The following ARIH1 variants were observed in gnomAD, a reference collection of about 807,000 sequenced individuals.
The protein encoded by ARIH1 is ariadne RBR E3 ubiquitin protein ligase 1, also known as E3 ubiquitin-protein ligase ARIH1.
ARIH1 carries 8 observed loss-of-function variants against 85.0 expected under a neutral mutation model. The ratio of observed to expected loss-of-function variants is 0.09; its 90% CI spans 0.06 to 0.17. ARIH1 has a LOEUF of 0.17. Among genes scored for constraint, ARIH1 ranks in the 10% least tolerant of loss-of-function variants. ARIH1 has a pLI of 1.00. For synonymous variants in ARIH1, 238 were observed against 253.6 expected (o/e 0.94, Z 0.59); for missense variants, 311 against 718.1 (o/e 0.43, Z 6.48).
At position 72,546,655 on chromosome 15, in the gene ARIH1, CTG is replaced by C. The variant is rs35847751; in HGVS notation, c.588+1709_588+1710del. The stretch of plus-strand genomic sequence containing the variant: ...ATGCCACCATGTCTGGCTGATTTTT[CTG>C]TGTGTGTGTGTGTGTGTTTTGTTTG... On this transcript the variant is annotated intron_variant, in intron 3 of 13. Coordinates refer to ENST00000379887, the MANE Select transcript of ARIH1 (RefSeq NM_005744.5). Among the ~76,000 whole-genome samples, 66 of 149,444 alleles carry C rather than the reference CTG, an allele frequency of 4.4e-4. No homozygotes were observed. The South Asian group carries it at 7.9e-3, about 18-fold the overall frequency.
chr15:72,521,325 C>G (rs4146286), intron 2 of ARIH1, among the ~76,000 whole-genome samples: 116,972 of 151,350 alleles, frequency 0.77, 51,406 homozygotes, highest in Non-Finnish European at 0.96. Flanking sequence ...ACTTTAAGTC[C>G]TATAATAGAA....
chr15:72,479,701 C>T (rs1358647735), intron 1 of ARIH1, among the ~76,000 whole-genome samples: 3 of 151,962 alleles, frequency 2.0e-5, no homozygotes, highest in African/African-American at 4.8e-5. Flanking sequence ...CCACCGTGCC[C>T]AGCCAAATAA....
At chr15:72,493,827 AAC>A (rs1567338807) in intron 1 of ARIH1, among the ~76,000 whole-genome samples, 1 of 152,152 alleles carries the variant, frequency 6.6e-6, no homozygotes, top group Non-Finnish European at 1.5e-5. Flanking sequence ...AAAAAGTTAA[AAC>A]AGTCTTAGTA....
At chr15:72,532,881 A>AT (rs1029968499) in intron 2 of ARIH1, among the ~76,000 whole-genome samples, 1 of 152,258 alleles carries the variant, frequency 6.6e-6, no homozygotes, top group Non-Finnish European at 1.5e-5. Context: ...TTGCTTCATG[A>AT]TTTTAAAAAG....
Position 72,600,210 on chromosome 15 carries a change from C to T in ARIH1, c.*16918C>T, listed in dbSNP as rs774864774. 4.6e-5 allele frequency: 7 copies of T among 152,126 alleles called. No homozygotes were observed. The highest frequency in any genetic ancestry group is 1.3e-4 in the Admixed American group (2 of 15,278). 9.4% of individuals were successfully genotyped at this position (152,126 alleles called of 1,614,324 possible). Reference sequence around the variant, plus strand: ...GATTCCTCTTCTATGTCCTCAGCCCCCACCATAAAAATAGATAAATGCCAT... The same window carrying T: ...GATTCCTCTTCTATGTCCTCAGCCCTCACCATAAAAATAGATAAATGCCAT... On this transcript the variant is annotated 3_prime_UTR_variant, in exon 14 of 14. Transcript: ENST00000379887.
At chr15:72,553,286 C>A (rs181740471) in intron 3 of ARIH1, among the ~76,000 whole-genome samples, 1 of 152,148 alleles carries the variant, frequency 6.6e-6, no homozygotes, top group African/African-American at 2.4e-5. Context: ...ACTTAATGTC[C>A]CATTACAGGA....
intron 1 of ARIH1, among the ~76,000 whole-genome samples, chr15:72,482,080 C>T (rs1317253558): frequency 1.3e-5 from 2 of 152,132 alleles, no homozygotes; most frequent in Non-Finnish European, 2.9e-5. Context: ...AGGTGATCCA[C>T]CCGACTTGGC....
chr15:72,484,743 A>G (rs1280390594), intron 1 of ARIH1, among the ~76,000 whole-genome samples: 1 of 147,384 alleles, frequency 6.8e-6, no homozygotes, highest in Non-Finnish European at 1.5e-5. Flanking sequence ...ATATGTATAT[A>G]TATATGTGTG....
Position 72,556,315 on chromosome 15 carries a change from A to G in ARIH1, c.737+408A>G, listed in dbSNP as rs191551511. Among the ~76,000 whole-genome samples the G allele has an allele frequency of 5.3e-4, 81 of 152,368 alleles. 1 individual carries two copies. Among genetic ancestry groups the G allele is most frequent in the African/African-American group, 1.4e-3 (57 of 41,590 alleles). ...TTAAAAGACAAAGAAGGAAGATTCA[A>G]TAGGAAGAGACTTTATATGATACAG... On this transcript the variant is annotated intron_variant, in intron 5 of 13. Coordinates refer to ENST00000379887, the MANE Select transcript of ARIH1 (RefSeq NM_005744.5).
chr15:72,495,939 G>A (rs1291243028), intron 1 of ARIH1, among the ~76,000 whole-genome samples: 1 of 151,996 alleles, frequency 6.6e-6, no homozygotes, highest in African/African-American at 2.4e-5. Flanking sequence ...AAGAGATACT[G>A]TTTTTCTGTC....
rs56159127 is a variant in ARIH1, at chr15:72,560,827, G to GAATTCTTTCTCTTGT, written c.738-653_738-652insTCTTTCTCTTGTAAT. Among the ~76,000 whole-genome samples, 2 of 151,912 alleles carry GAATTCTTTCTCTTGT rather than the reference G, an allele frequency of 1.3e-5. 1 individual carries two copies. The highest frequency in any genetic ancestry group is 2.9e-5 in the Non-Finnish European group (2 of 68,002). ...ATGTTCTTCATGTCTTTCTCAGTGG[G>GAATTCTTTCTCTTGT]AATACACTCAGAGGAGTATTTACCA... On this transcript the variant is annotated intron_variant, in intron 5 of 13. Transcript: ENST00000379887.
intron 2 of ARIH1, among the ~76,000 whole-genome samples, chr15:72,535,049 T>G (rs977709185): frequency 7.1e-6 from 1 of 140,916 alleles, no homozygotes; most frequent in Non-Finnish European, 1.5e-5. Flanking sequence ...CCCCTGGGGT[T>G]CATGCCATTC....
chr15:72,484,737 GTA>G (rs765975811), intron 1 of ARIH1, among the ~76,000 whole-genome samples: 307 of 147,032 alleles, frequency 2.1e-3, no homozygotes, highest in African/African-American at 6.0e-3. Flanking sequence ...GTGTATATAT[GTA>G]TATATATATG....
chr15:72,479,350 G>A (rs1215788594), intron 1 of ARIH1, among the ~76,000 whole-genome samples: 1 of 152,086 alleles, frequency 6.6e-6, no homozygotes, highest in African/African-American at 2.4e-5. Flanking sequence ...AGTGGTCAGA[G>A]GAGGTATAAA....
At chr15:72,572,066 G>C in intron 10 of ARIH1, 42 bp from the exon 11 acceptor site, 1 of 1,316,946 alleles carries the variant, frequency 7.6e-7, no homozygotes, top group Non-Finnish European at 1.1e-6. Context: ...CCTTTTCATT[G>C]ATTTTTTTTT....
intron 2 of ARIH1, among the ~76,000 whole-genome samples, chr15:72,530,349 A>C (rs1008927902): frequency 5.3e-5 from 8 of 152,230 alleles, no homozygotes; most frequent in African/African-American, 1.9e-4. Flanking sequence ...CAGAAGAGGT[A>C]GCTAAGAGAC....
intron 7 of ARIH1, among the ~76,000 whole-genome samples, chr15:72,564,089 C>A (rs2064208821): frequency 6.6e-6 from 1 of 152,172 alleles, no homozygotes; most frequent in Admixed American, 6.5e-5. Context: ...AGTGGATAGG[C>A]TGAAAATTTT....
At chr15:72,476,789 C>T (rs1250486186) in intron 1 of ARIH1, among the ~76,000 whole-genome samples, 2 of 152,154 alleles carry the variant, frequency 1.3e-5, no homozygotes, top group Non-Finnish European at 2.9e-5. Flanking sequence ...TTTGGATAGC[C>T]ATTAATATGG....
At chr15:72,583,111 G>C in intron 13 of ARIH1, 97 bp from the exon 14 acceptor site, 1 of 924,974 alleles carries the variant, frequency 1.1e-6, no homozygotes, top group Non-Finnish European at 1.7e-6. Context: ...TTCCGAGTCT[G>C]GATAAACTAT....
Sources: gnomAD v4.1 joint callset for allele counts (sites outside exome capture counted in the v4.1 genomes callset) on GRCh38, gnomAD v4.1.1 for gene constraint, MANE v1.5 for transcripts, NCBI Gene and HGNC (gene_info 2026-07-23, HGNC 2026-07-21) for gene names.